The following NSD1 variants were observed in gnomAD, a reference collection of about 807,000 sequenced individuals.
NSD1 encodes histone-lysine N-methyltransferase, H3 lysine-36 specific.
In NSD1, 26 loss-of-function variants were observed where a neutral mutation model predicts 242.7. The ratio of observed to expected loss-of-function variants is 0.11; its 90% CI spans 0.08 to 0.15. NSD1 has a LOEUF of 0.15. Ranked by LOEUF, NSD1 falls within the 10% of genes least tolerant of loss-of-function variation. NSD1 has a pLI of 1.00. For synonymous variants in NSD1, 1,106 were observed against 1,178.1 expected (o/e 0.94, Z 1.25); for missense variants, 2,495 against 3,272.8 (o/e 0.76, Z 5.80).
rs147612140 is a variant in NSD1 at position 177,219,974 on chromosome 5, C to T, written c.3796+7779C>T. Reference sequence around the variant, plus strand: ...AAGATCCTGTGTCAAAAAAAAAAGACTCTGTGTGACCATATTGGAGAATAT... The same window carrying T: ...AAGATCCTGTGTCAAAAAAAAAAGATTCTGTGTGACCATATTGGAGAATAT... On this transcript the variant is annotated intron_variant, in intron 5 of 22. Coordinates refer to ENST00000439151, the MANE Select transcript of NSD1 (RefSeq NM_022455.5). Among the ~76,000 whole-genome samples the T allele has an allele frequency of 3.2e-3, 486 of 152,086 alleles. 3 individuals are homozygous for T. Among genetic ancestry groups the T allele is most frequent in the African/African-American group, 0.011 (452 of 41,500 alleles).
intron 20 of NSD1, among the ~76,000 whole-genome samples, chr5:177,284,456 T>G (rs971637759): frequency 3.4e-5 from 5 of 147,336 alleles, no homozygotes; most frequent in Admixed American, 2.0e-4. Context: ...TTGTTTTTTG[T>G]TTTTTTTTTG....
At chr5:177,188,646 C>A (rs1053208041) in intron 2 of NSD1, among the ~76,000 whole-genome samples, 2 of 152,040 alleles carry the variant, frequency 1.3e-5, no homozygotes, top group Non-Finnish European at 2.9e-5. Flanking sequence ...TAAGATATGA[C>A]ATCTTAGCAT....
At chr5:177,168,107 A>G (rs1261837005) in intron 2 of NSD1, among the ~76,000 whole-genome samples, 1 of 152,236 alleles carries the variant, frequency 6.6e-6, no homozygotes, top group Non-Finnish European at 1.5e-5. Context: ...TAAAAATTCC[A>G]AGTAATGAAC....
At chr5:177,173,061 A>G (rs1322483358) in intron 2 of NSD1, among the ~76,000 whole-genome samples, 1 of 151,246 alleles carries the variant, frequency 6.6e-6, no homozygotes, top group East Asian at 1.9e-4. Flanking sequence ...TGGGAGGCCT[A>G]GGTGGGCAGA....
chr5:177,191,838 A>G (rs1761718339), intron 2 of NSD1, 46 bp from the exon 3 acceptor site: 8 of 1,607,182 alleles, frequency 5.0e-6, no homozygotes, highest in African/African-American at 2.7e-5. Flanking sequence ...TAATGTTTCA[A>G]AATATTTTGA....
chr5:177,222,729 T>TATATA (rs1199809791), intron 5 of NSD1, among the ~76,000 whole-genome samples: 1 of 152,228 alleles, frequency 6.6e-6, no homozygotes, highest in East Asian at 1.9e-4. Flanking sequence ...GGTCTTTATA[T>TATATA]ATTTTACATA....
At position 177,297,465 on chromosome 5, in the gene NSD1, A is replaced by T; in HGVS notation, c.*2006A>T. 1 of 230,092 alleles carries T rather than the reference A, an allele frequency of 4.3e-6. No individual in the cohort carries two copies. Among genetic ancestry groups the T allele is most frequent in the Non-Finnish European group, 8.6e-6 (1 of 116,180 alleles). The allele number at this position is 230,092 out of a possible 1,614,324, so 14.3% of individuals were successfully genotyped here. On this transcript the variant is annotated 3_prime_UTR_variant, in exon 23 of 23. Transcript: ENST00000439151. The stretch of plus-strand genomic sequence containing the variant: ...GAATAATAAATATATAACTGCAGCT[A>T]GTAGGTCCCTTTCCCTAATCTTTTA...
intron 2 of NSD1, among the ~76,000 whole-genome samples, chr5:177,155,865 C>A (rs1758088661): frequency 1.3e-5 from 2 of 150,698 alleles, no homozygotes; most frequent in Admixed American, 6.7e-5. Flanking sequence ...AAAATACACC[C>A]AGGTAATTTT....
rs981889611 is a variant in NSD1 at position 177,279,042 on chromosome 5, C to T, written c.5623-1523C>T. Among the ~76,000 whole-genome samples the T allele has an allele frequency of 2.0e-5, 3 of 152,300 alleles. No homozygotes were observed. In the South Asian group the frequency reaches 6.2e-4, roughly 32 times the overall value. On this transcript the variant is annotated intron_variant, in intron 17 of 22. Transcript: ENST00000439151. ...CTAAATTAATCCATGAGTGACATTG[C>T]TATAGTCCTTTTAAAAGATTTTAAA... is the stretch of plus-strand genomic sequence containing the variant.
intron 2 of NSD1, among the ~76,000 whole-genome samples, chr5:177,152,914 G>A (rs1371349448): frequency 6.6e-6 from 1 of 151,640 alleles, no homozygotes; most frequent in Admixed American, 6.6e-5. Flanking sequence ...TCAAACTCCT[G>A]GCCTCAAGTG....
chr5:177,252,569 T>A (rs1479996272), intron 12 of NSD1, among the ~76,000 whole-genome samples: 91 of 93,642 alleles, frequency 9.7e-4, no homozygotes, highest in Middle Eastern at 6.6e-3. Flanking sequence ...TTTTTTTTTT[T>A]AATAAGAGAT....
intron 2 of NSD1, among the ~76,000 whole-genome samples, chr5:177,152,642 ATGGGGTTTCAC>A (rs1224425190): frequency 4.1e-4 from 62 of 151,186 alleles, no homozygotes; most frequent in African/African-American, 9.5e-4. Context: ...TTTAGTAGAG[ATGGGGTTTCAC>A]TGGGGTTTCA....
At chr5:177,143,783 C>CTTTT (rs11300578) in intron 2 of NSD1, among the ~76,000 whole-genome samples, 5 of 121,126 alleles carry the variant, frequency 4.1e-5, no homozygotes, top group Non-Finnish European at 6.7e-5. Flanking sequence ...TACAAGATAA[C>CTTTT]TTTTTTTTTT....
chr5:177,174,203 A>T (rs995533568), intron 2 of NSD1, among the ~76,000 whole-genome samples: 5 of 152,114 alleles, frequency 3.3e-5, no homozygotes, highest in African/African-American at 1.2e-4. Flanking sequence ...CGTCTTTATT[A>T]AAAATACAAA....
At chr5:177,179,390 T>G (rs183869914) in intron 2 of NSD1, among the ~76,000 whole-genome samples, 117 of 152,228 alleles carry the variant, frequency 7.7e-4, no homozygotes, top group Admixed American at 6.9e-3. Context: ...TGATTTTGTG[T>G]TTTTAGTAGA....
At chr5:177,216,253 GATTTGCAAGTATTTTCTCCC>G (rs1763763519) in intron 5 of NSD1, among the ~76,000 whole-genome samples, 2 of 152,126 alleles carry the variant, frequency 1.3e-5, no homozygotes, top group South Asian at 4.1e-4. Flanking sequence ...TCTGATGTAT[GATTTGCAAGTATTTTCTCCC>G]ATTTTGTACC....
chr5:177,186,107 T>G (rs1374495350), intron 2 of NSD1, among the ~76,000 whole-genome samples: 2 of 123,708 alleles, frequency 1.6e-5, no homozygotes, highest in East Asian at 4.2e-4. Context: ...TATATTATAT[T>G]ATATGTATAT....
chr5:177,232,907 T>C (rs1353372745), intron 5 of NSD1, among the ~76,000 whole-genome samples: 1 of 152,168 alleles, frequency 6.6e-6, no homozygotes, highest in East Asian at 1.9e-4. Context: ...GAGTATGGTA[T>C]TAGACTGACC....
intron 2 of NSD1, among the ~76,000 whole-genome samples, chr5:177,141,794 T>C (rs1756850869): frequency 6.6e-6 from 1 of 152,176 alleles, no homozygotes. Context: ...AAGCTGCTCC[T>C]CTACCTTGTG....
Sources: gnomAD v4.1 joint callset for allele counts (sites outside exome capture counted in the v4.1 genomes callset) on GRCh38, gnomAD v4.1.1 for gene constraint, MANE v1.5 for transcripts, NCBI Gene and HGNC (gene_info 2026-07-23, HGNC 2026-07-21) for gene names.